Variants in FHOD3 observed in about 807,000 individuals in gnomAD.
The protein encoded by FHOD3 is formin homology 2 domain containing 3, also known as FH1/FH2 domain-containing protein 3.
In FHOD3, 90 loss-of-function variants were observed where a neutral mutation model predicts 173.0. That is an observed-to-expected ratio of 0.52 (90% confidence interval 0.44 to 0.62). FHOD3 has a LOEUF of 0.62. Among genes scored for constraint, FHOD3 ranks in the 20% least tolerant of loss-of-function variants. FHOD3 has a pLI of 0.00. For synonymous variants in FHOD3, 828 were observed against 823.0 expected (o/e 1.01, Z -0.10); for missense variants, 1,945 against 2,034.7 (o/e 0.96, Z 0.85).
chr18:36,760,948 A>G (rs2042851399), intron 27 of FHOD3, among the ~76,000 whole-genome samples, 166 bp downstream of exon 27: 1 of 152,178 alleles, frequency 6.6e-6, no homozygotes, highest in Non-Finnish European at 1.5e-5. Flanking sequence ...CCCACCTTCA[A>G]TAGCTTCATC....
chr18:36,671,896 C>T (rs538510647), intron 14 of FHOD3, among the ~76,000 whole-genome samples: 1 of 152,292 alleles, frequency 6.6e-6, no homozygotes, highest in African/African-American at 2.4e-5. Context: ...AGGAACGAAC[C>T]AATCATTTGT....
At chr18:36,456,174 C>T (rs2052199603) in intron 3 of FHOD3, among the ~76,000 whole-genome samples, 2 of 152,130 alleles carry the variant, frequency 1.3e-5, no homozygotes, top group South Asian at 2.1e-4. Flanking sequence ...CTCTGGGCCC[C>T]TGGTGCAATT....
chr18:36,531,939 T>C lies in FHOD3; in HGVS notation c.511+19396T>C, dbSNP rs145660327. ...CAGCCCAGCACCTCTGCATTCCCTT[T>C]ATCCTTTTGCCGAGTCTTGTACTTT... On this transcript the variant is annotated intron_variant, in intron 5 of 28. Transcript: ENST00000590592. Among the ~76,000 whole-genome samples the C allele has an allele frequency of 1.8e-3, 271 of 152,348 alleles. 7 individuals are homozygous for C. The highest frequency in any genetic ancestry group is 0.016 in the Admixed American group (238 of 15,310).
intron 3 of FHOD3, among the ~76,000 whole-genome samples, chr18:36,376,833 T>C (rs1198408135): frequency 6.6e-6 from 1 of 152,236 alleles, no homozygotes; most frequent in African/African-American, 2.4e-5. Flanking sequence ...AGATGAATTA[T>C]AAACAGTGCA....
At chr18:36,521,523 C>T (rs977300171) in intron 5 of FHOD3, among the ~76,000 whole-genome samples, 5 of 152,172 alleles carry the variant, frequency 3.3e-5, no homozygotes, top group Non-Finnish European at 7.3e-5. Flanking sequence ...TCTTTGTAAT[C>T]ATCACCCACC....
At chr18:36,466,841 G>A (rs2052969998) in intron 3 of FHOD3, among the ~76,000 whole-genome samples, 1 of 145,834 alleles carries the variant, frequency 6.9e-6, no homozygotes, top group African/African-American at 2.6e-5. Context: ...AGTTTTTAGA[G>A]GGGAACCAAA....
At chr18:36,585,019 AT>A (rs1196575356) in intron 6 of FHOD3, among the ~76,000 whole-genome samples, 2 of 152,212 alleles carry the variant, frequency 1.3e-5, no homozygotes, top group African/African-American at 4.8e-5. Flanking sequence ...CTCTGAGTAT[AT>A]TATAAGCATT....
At chr18:36,414,543 G>C (rs765803982) in intron 3 of FHOD3, among the ~76,000 whole-genome samples, 1 of 152,178 alleles carries the variant, frequency 6.6e-6, no homozygotes, top group Non-Finnish European at 1.5e-5. Flanking sequence ...TTACCTGAAG[G>C]CTCCAGCCAC....
In FHOD3 at chr18:36,658,189, G is replaced by C; in HGVS notation, c.1835+1G>C. On this transcript the variant is annotated splice_donor_variant, in intron 14 of 28. Coordinates refer to ENST00000590592, the MANE Select transcript of FHOD3 (RefSeq NM_001281740.3). LOFTEE classifies it high-confidence loss of function. The stretch of plus-strand genomic sequence containing the variant: ...CCCCACAGGAGGCCAGGTTGGAAAG[G>C]TGAGTTCGACAAGCACGCTGATAGC... The C allele has an allele frequency of 1.9e-6, 3 of 1,579,944 alleles. No homozygotes were observed. Among genetic ancestry groups the C allele is most frequent in the Non-Finnish European group, 2.6e-6 (3 of 1,165,438 alleles).
intron 1 of FHOD3, among the ~76,000 whole-genome samples, chr18:36,344,630 G>A (rs2045793395): frequency 6.6e-6 from 1 of 151,948 alleles, no homozygotes; most frequent in Non-Finnish European, 1.5e-5. Context: ...AACCAAATAT[G>A]GCAGGAAAAG....
chr18:36,681,632 AC>A (rs1273740824), intron 15 of FHOD3, 62 bp downstream of exon 15: 1 of 1,524,388 alleles, frequency 6.6e-7, no homozygotes, highest in African/African-American at 1.4e-5. Flanking sequence ...ATGTGACTTT[AC>A]AACTGTATAC....
In FHOD3 at chr18:36,679,031, A is replaced by G. The variant is rs192321269; in HGVS notation, c.1836-2405A>G. ...TTGAGTAGTAGAAATCACATTAAAA[A>G]TCTGACTTTCGTGGATTTTTTTTCA... On this transcript the variant is annotated intron_variant, in intron 14 of 28. Coordinates refer to ENST00000590592, the MANE Select transcript of FHOD3 (RefSeq NM_001281740.3). Among the ~76,000 whole-genome samples, 420 of 152,262 alleles carry G rather than the reference A, an allele frequency of 2.8e-3. 4 individuals carry two copies. The highest frequency in any genetic ancestry group is 6.8e-3 in the African/African-American group (281 of 41,560).
intron 5 of FHOD3, among the ~76,000 whole-genome samples, chr18:36,561,619 T>A (rs2058084765): frequency 6.6e-6 from 1 of 152,234 alleles, no homozygotes; most frequent in African/African-American, 2.4e-5. Context: ...ACATTAAATA[T>A]CTTCATAATG....
intron 5 of FHOD3, among the ~76,000 whole-genome samples, chr18:36,553,031 G>C (rs180939147): frequency 6.6e-6 from 1 of 152,104 alleles, no homozygotes; most frequent in African/African-American, 2.4e-5. Flanking sequence ...AGCATGAAGG[G>C]TTGTTGAATT....
intron 3 of FHOD3, among the ~76,000 whole-genome samples, chr18:36,496,621 A>G (rs868125577): frequency 6.6e-6 from 1 of 152,204 alleles, no homozygotes; most frequent in Non-Finnish European, 1.5e-5. Context: ...GTATTATGGA[A>G]TTGTCTTTCC....
chr18:36,590,314 G>T (rs759418311), intron 6 of FHOD3, among the ~76,000 whole-genome samples: 5 of 152,138 alleles, frequency 3.3e-5, no homozygotes, highest in Admixed American at 6.5e-5. Flanking sequence ...GCTTCCAAGG[G>T]TTTTGACTGC....
At chr18:36,343,246 G>T (rs1030560604) in intron 1 of FHOD3, among the ~76,000 whole-genome samples, 6 of 152,124 alleles carry the variant, frequency 3.9e-5, no homozygotes, top group African/African-American at 1.4e-4. Flanking sequence ...CCAAAAAGTG[G>T]AAACAATCCA....
chr18:36,653,370 T>G lies in FHOD3; in HGVS notation c.1675T>G (p.Tyr559Asp), dbSNP rs2036196895. The change falls in exon 13 of 29, where the codon TAT (tyrosine) becomes GAT (aspartate). Residue 559 changes from tyrosine (Y) to aspartate (D), a missense_variant. By Grantham distance (160) the Tyr-to-Asp change is radical (BLOSUM62 -3). This residue lies in a region of FHOD3 where 1,099 missense variants were observed against 1,051.2 expected (regional missense o/e 1.05). Transcript: ENST00000590592. ...SSSDSFSLST[Y>D]SASEPYHFRS... ...CTCTGATTCTTTCTCTTTGAGCACA[T>G]ATTCTGCCTCTGAGCCTTACCACTT... 6.5e-7 allele frequency: 1 copy of G among 1,535,114 alleles called. No homozygotes were observed. Among genetic ancestry groups the G allele is most frequent in the African/African-American group, 1.4e-5 (1 of 73,014 alleles).
At chr18:36,522,804 A>G (rs766253898) in intron 5 of FHOD3, among the ~76,000 whole-genome samples, 1 of 152,226 alleles carries the variant, frequency 6.6e-6, no homozygotes, top group Non-Finnish European at 1.5e-5. Context: ...CACAAAGTTT[A>G]TACCAAGAAA....
Sources: gnomAD v4.1 joint callset for allele counts (sites outside exome capture counted in the v4.1 genomes callset) on GRCh38, gnomAD v4.1.1 for gene constraint, gnomAD v4.1.1 regional missense constraint, MANE v1.5 for transcripts, NCBI Gene and HGNC (gene_info 2026-07-23, HGNC 2026-07-21) for gene names.